Variants in DDR1 observed in about 807,000 individuals in gnomAD.
DDR1 encodes the protein discoidin domain receptor tyrosine kinase 1.
Under a neutral mutation model 97.4 loss-of-function variants are expected in DDR1, and 64 were observed. That is an observed-to-expected ratio of 0.66 (90% CI 0.54 to 0.81). DDR1 has a LOEUF of 0.81. DDR1 is among the 30% of genes least tolerant of loss of function. The pLI is 0.00. For synonymous variants in DDR1, 458 were observed against 503.7 expected, an observed-to-expected ratio of 0.91 and a Z score of 1.21; for missense variants, 990 against 1,259.6, an observed-to-expected ratio of 0.79 and a Z score of 3.24.
intron 16 of DDR1, 137 bp downstream of exon 16, chr6:30,898,444 C>T: frequency 1.4e-6 from 1 of 694,226 alleles, no homozygotes; most frequent in Non-Finnish European, 2.4e-6. Flanking sequence ...ATATGAGGTT[C>T]TCCTAGCCCA....
chr6:30,896,498 T>C (rs1790802374), intron 12 of DDR1, 123 bp from the exon 13 acceptor site: 2 of 1,263,420 alleles, frequency 1.6e-6, no homozygotes, highest in Non-Finnish European at 2.2e-6. Flanking sequence ...AGATACAGCA[T>C]AGACCCAGTC....
rs750091349 is a variant in DDR1 at position 30,894,546 on chromosome 6, T to C, written c.1388T>C (p.Leu463Pro). ...RVLEEELTVH[L>P]SVPGDTILIN... ...TTGGAAGAGGAGCTGACGGTTCACC[T>C]CTCTGTCCCTGGGGACACTATCCTC... is the stretch of plus-strand genomic sequence containing the variant. Residue 463 changes from leucine (L) to proline (P), a missense_variant, in exon 11 of 18, where the codon CTC (leucine) becomes CCC (proline). Coordinates refer to ENST00000376568, the MANE Select transcript of DDR1 (RefSeq NM_001297654.2). This position sits in a 1 kb window ranked among gnomAD's most constrained non-coding sequence, Gnocchi z 5.7. 6.2e-7 allele frequency: 1 copy of C among 1,612,694 alleles called. No homozygotes were observed. The highest frequency in any genetic ancestry group is 8.5e-7 in the Non-Finnish European group (1 of 1,179,358).
intron 1 of DDR1, chr6:30,885,615 A>G: frequency 1.5e-6 from 2 of 1,363,954 alleles, no homozygotes. Flanking sequence ...CTGTCATTTC[A>G]TGTTCACAGG....
chr6:30,882,107 C>T (rs1784400398), upstream of DDR1: 2 of 152,502 alleles, frequency 1.3e-5, no homozygotes, highest in South Asian at 2.1e-4. This position sits in a 1 kb window ranked among gnomAD's most constrained non-coding sequence, Gnocchi z 4.8. Flanking sequence ...CTGCAGCTCC[C>T]GGAAGGGGAC....
chr6:30,899,351 A>G lies in DDR1; in HGVS notation c.*55A>G. 1.9e-6 allele frequency: 3 copies of G among 1,560,322 alleles called. No homozygotes were observed. The highest frequency in any genetic ancestry group is 1.7e-6 in the Non-Finnish European group (2 of 1,151,506). On this transcript the variant is annotated 3_prime_UTR_variant, in exon 18 of 18. Transcript: ENST00000376568. ...GAGCGATCCAGGGGAAGCCAGTGAC[A>G]CTAAAACAAGAGGACACAATGGCAC...
rs1788631856 is a variant in DDR1 at position 30,892,112 on chromosome 6, G to GC, written c.777dup (p.Asn260GlnfsTer14). ...CCAGGCTATGACTATGTGGGATGGA[G>GC]CAACCACAGCTTCTCCAGTGGCTAT... On this transcript the variant is annotated frameshift_variant, in exon 7 of 18. Transcript: ENST00000376568. LOFTEE classifies it high-confidence loss of function. 1 of 1,614,084 alleles carries GC rather than the reference G, an allele frequency of 6.2e-7. No homozygotes were observed. The highest frequency in any genetic ancestry group is 8.5e-7 in the Non-Finnish European group (1 of 1,180,028).
rs778882518 is a variant in DDR1, at chr6:30,893,298, G to T, written c.1222G>T (p.Val408Leu). ...LELEPRGQQP[V>L]AKAEGSPTAI... ...GCTGGAGCCCAGAGGCCAGCAGCCC[G>T]TGGCCAAGGCCGAGGGGAGCCCGAC... The change falls in exon 10 of 18, where the codon GTG becomes TTG. Residue 408 changes from valine (V) to leucine (L), a missense_variant. Val to Leu is a conservative substitution (Grantham distance 32). Coordinates refer to ENST00000376568, the MANE Select transcript of DDR1 (RefSeq NM_001297654.2). 4 of 1,605,678 alleles carry T rather than the reference G, an allele frequency of 2.5e-6. No individual in the cohort carries two copies. Among genetic ancestry groups the T allele is most frequent in the African/African-American group, 1.3e-5 (1 of 74,914 alleles).
upstream of DDR1, chr6:30,882,726 C>G (rs905511446): frequency 1.3e-5 from 2 of 152,752 alleles, no homozygotes; most frequent in African/African-American, 4.8e-5. This position sits in a 1 kb window ranked among gnomAD's most constrained non-coding sequence, Gnocchi z 4.8. Context: ...CCCAGTGGAC[C>G]CCTCTGTCTG....
chr6:30,897,614 G>A lies in DDR1; in HGVS notation c.2216+17G>A. 1 of 1,594,026 alleles carries A rather than the reference G, an allele frequency of 6.3e-7. No homozygotes were observed. Among genetic ancestry groups the A allele is most frequent in the Non-Finnish European group, 8.5e-7 (1 of 1,170,236 alleles). The stretch of plus-strand genomic sequence containing the variant: ...CACCATCAGGTACCTGCTTACCCAG[G>A]CTGGGCCTTGCTCAGAATTCCCCCA... On this transcript the variant is annotated intron_variant, in intron 15 of 17. Transcript: ENST00000376568. The surrounding 1 kb of genome is among the most constrained non-coding windows in gnomAD (Gnocchi z 5.2).
intron 1 of DDR1, chr6:30,885,141 A>G (rs1030777112): frequency 4.7e-6 from 7 of 1,486,618 alleles, no homozygotes; most frequent in Non-Finnish European, 6.3e-6. Context: ...CAGTCCAGCA[A>G]AAAGAGGGAC....
chr6:30,898,486 A>G (rs536913253), intron 16 of DDR1, among the ~76,000 whole-genome samples, 179 bp downstream of exon 16: 2 of 152,352 alleles, frequency 1.3e-5, no homozygotes, highest in African/African-American at 4.8e-5. Flanking sequence ...CTGCAGTGTG[A>G]TGGGCAAGAA....
chr6:30,891,743 C>T lies in DDR1; in HGVS notation c.666-259C>T, dbSNP rs9366761. Among the ~76,000 whole-genome samples, 30,820 of 152,048 alleles carry T rather than the reference C, an allele frequency of 0.2. 3,974 individuals are homozygous for T. The highest frequency in any genetic ancestry group is 0.57 in the East Asian group (2,958 of 5,164). ...GTTGGAAATTGCTGCAATAAATATA[C>T]ACATCATAGATTGAAATGGTGCCCC... is the stretch of plus-strand genomic sequence containing the variant. On this transcript the variant is annotated intron_variant, in intron 6 of 17. Transcript: ENST00000376568. This position sits in a 1 kb window ranked among gnomAD's most constrained non-coding sequence, Gnocchi z 5.3.
chr6:30,899,584 C>T lies in DDR1; in HGVS notation c.*288C>T. The T allele has an allele frequency of 2.0e-6, 1 of 512,292 alleles. No individual in the cohort carries two copies. Among genetic ancestry groups the T allele is most frequent in the Non-Finnish European group, 3.5e-6 (1 of 289,112 alleles). 31.7% of individuals were successfully genotyped at this position (512,292 alleles called of 1,614,324 possible). On this transcript the variant is annotated 3_prime_UTR_variant, in exon 18 of 18. Transcript: ENST00000376568. Reference sequence around the variant, plus strand: ...TCCTCTCCACCCTCCTCTAGCCATCCCTTGGGGAAGGGTGGGGAGAAATAT... The same window carrying T: ...TCCTCTCCACCCTCCTCTAGCCATCTCTTGGGGAAGGGTGGGGAGAAATAT...
Position 30,891,547 on chromosome 6 carries a change from G to GTGTGTGTT in DDR1, c.665+75_665+76insTTGTGTGT, listed in dbSNP as rs1562384704. The GTGTGTGTT allele has an allele frequency of 2.9e-3, 2,770 of 960,530 alleles. 37 individuals carry two copies. The highest frequency in any genetic ancestry group is 0.025 in the African/African-American group (1,564 of 61,570). The allele number at this position is 960,530 out of a possible 1,614,324, so 59.5% of individuals were successfully genotyped here. A position where few individuals can be genotyped will look rare whatever the true frequency, so the allele number is the denominator to read the frequency against. Reference sequence around the variant, plus strand: ...GAGGACTGTGTGTGTGTGTGTGTGTGTGTGTGTGTGAGAGTGTGTGTGTGT... The same window carrying GTGTGTGTT: ...GAGGACTGTGTGTGTGTGTGTGTGTGTGTGTGTTTGTGTGTGTGAGAGTGTGTGTGTGT... On this transcript the variant is annotated intron_variant, in intron 6 of 17. Coordinates refer to ENST00000376568, the MANE Select transcript of DDR1 (RefSeq NM_001297654.2). This position sits in a 1 kb window ranked among gnomAD's most constrained non-coding sequence, Gnocchi z 5.3.
chr6:30,898,621 A>G (rs1259745092), intron 16 of DDR1, among the ~76,000 whole-genome samples: 1 of 152,050 alleles, frequency 6.6e-6, no homozygotes, highest in Non-Finnish European at 1.5e-5. Flanking sequence ...AGGACCAGAA[A>G]GTGGGGGTGG....
Position 30,896,631 on chromosome 6 carries a change from G to A in DDR1, c.1635G>A (p.Gly545=). The A allele has an allele frequency of 1.2e-6, 2 of 1,613,494 alleles. No individual in the cohort carries two copies. The highest frequency in any genetic ancestry group is 8.5e-7 in the Non-Finnish European group (1 of 1,179,776). The part of the protein sequence containing the change: ...AKPTNTQAYS[G]DYMEPEKPGA... ...CCCTCACCCCTGCAGCCTACAGTGG[G>A]GACTATATGGAGCCTGAGAAGCCAG... Residue 545 remains glycine, a synonymous_variant, in exon 13 of 18, where the codon GGG becomes GGA. Coordinates refer to ENST00000376568, the MANE Select transcript of DDR1 (RefSeq NM_001297654.2).
chr6:30,899,976 C>CAT lies in DDR1; in HGVS notation c.*682_*683dup, dbSNP rs1792353612. Reference sequence around the variant, plus strand: ...TGGGGGGAAAGAGGGAGCAACGGCCCATAGCCTTGGGGTTGGACATCTCTA... The same window carrying CAT: ...TGGGGGGAAAGAGGGAGCAACGGCCCATATAGCCTTGGGGTTGGACATCTCTA... On this transcript the variant is annotated 3_prime_UTR_variant, in exon 18 of 18. Coordinates refer to ENST00000376568, the MANE Select transcript of DDR1 (RefSeq NM_001297654.2). 8 of 582,078 alleles carry CAT rather than the reference C, an allele frequency of 1.4e-5. No individual in the cohort carries two copies. In the Admixed American group the frequency reaches 1.5e-4, roughly 11 times the overall value. The allele number at this position is 582,078 out of a possible 1,614,324, so 36.1% of individuals were successfully genotyped here.
rs1785324808 is a variant in DDR1 at position 30,885,183 on chromosome 6, TC to T, written c.-43+476del. On this transcript the variant is annotated intron_variant, in intron 1 of 17. Coordinates refer to ENST00000376568, the MANE Select transcript of DDR1 (RefSeq NM_001297654.2). ...TCTAACCCACCAGTGACACCACTCT[TC>T]CCGGCTGGATGGTCAATTAGCTCTG... 11 of 1,530,956 alleles carry T rather than the reference TC, an allele frequency of 7.2e-6. No homozygotes were observed. The South Asian group carries it at 1.3e-4, about 18-fold the overall frequency. 94.8% of individuals were successfully genotyped at this position (1,530,956 alleles called of 1,614,324 possible). A position where few individuals can be genotyped will look rare whatever the true frequency, so the allele number is the denominator to read the frequency against.
chr6:30,891,925 G>A lies in DDR1; in HGVS notation c.666-77G>A. On this transcript the variant is annotated intron_variant, in intron 6 of 17. Transcript: ENST00000376568. This position sits in a 1 kb window ranked among gnomAD's most constrained non-coding sequence, Gnocchi z 5.3. ...GGCTGGCCATGCCACTGTGCCGGAGGGTGGCGGAGCAGAATGCCTGGATGT... is the reference window on the plus strand; with the variant it reads ...GGCTGGCCATGCCACTGTGCCGGAGAGTGGCGGAGCAGAATGCCTGGATGT... The A allele has an allele frequency of 1.3e-6, 2 of 1,520,796 alleles. No individual in the cohort carries two copies. Among genetic ancestry groups the A allele is most frequent in the African/African-American group, 1.4e-5 (1 of 73,228 alleles). 94.2% of individuals were successfully genotyped at this position (1,520,796 alleles called of 1,614,324 possible).
Sources: gnomAD v4.1 joint callset for allele counts (sites outside exome capture counted in the v4.1 genomes callset) on GRCh38, gnomAD v4.1.1 for gene constraint, Gnocchi (gnomAD v3.1) non-coding constraint, MANE v1.5 for transcripts, NCBI Gene and HGNC (gene_info 2026-07-23, HGNC 2026-07-21) for gene names.